Variants in SMIM41 observed in about 807,000 individuals in gnomAD.
SMIM41 encodes small integral membrane protein 41.
chr12:52,090,029 A>C (rs1408660496), intron 2 of SMIM41, among the ~76,000 whole-genome samples: 1 of 152,026 alleles, frequency 6.6e-6, no homozygotes, highest in Non-Finnish European at 1.5e-5. Flanking sequence ...TTTAAATGGA[A>C]TCATCAGGAA....
At chr12:52,091,219 A>G (rs983249656) in intron 2 of SMIM41, among the ~76,000 whole-genome samples, 1 of 151,988 alleles carries the variant, frequency 6.6e-6, no homozygotes, top group African/African-American at 2.4e-5. Flanking sequence ...TTTTTGCTCC[A>G]TGGTCCCCTC....
Position 52,096,799 on chromosome 12 carries a change from C to T in SMIM41, c.*196-10580C>T, listed in dbSNP as rs148771098. The stretch of plus-strand genomic sequence containing the variant: ...AATTAATAATTGATATTATTAATTG[C>T]GATACGTAATATTGCGACATTCCTC... On this transcript the variant is annotated intron_variant, in intron 2 of 2. Coordinates refer to ENST00000546390, the MANE Select transcript of SMIM41 (RefSeq NM_001369216.1). Among the ~76,000 whole-genome samples the T allele has an allele frequency of 7.3e-3, 1,104 of 151,612 alleles. 11 individuals are homozygous for T. The highest frequency in any genetic ancestry group is 0.026 in the African/African-American group (1,059 of 41,276).
intron 2 of SMIM41, chr12:52,087,463 TCCA>T (rs1368673637): frequency 2.0e-5 from 3 of 152,786 alleles, no homozygotes; most frequent in African/African-American, 4.8e-5. Flanking sequence ...CAGCCTGGCC[TCCA>T]CCCGGCTAAG....
At chr12:52,086,552 G>A (rs1288989735) in intron 2 of SMIM41, among the ~76,000 whole-genome samples, 2 of 152,294 alleles carry the variant, frequency 1.3e-5, no homozygotes, top group East Asian at 1.9e-4. Context: ...CTTCCCAGCC[G>A]CAGCTGACTT....
intron 2 of SMIM41, chr12:52,104,444 C>G (rs1250592974): frequency 5.7e-6 from 1 of 174,300 alleles, no homozygotes; most frequent in Non-Finnish European, 1.2e-5. Context: ...AGGATGGAGT[C>G]TGAGCCTCCA....
intron 2 of SMIM41, among the ~76,000 whole-genome samples, chr12:52,101,033 A>C (rs1237020535): frequency 1.3e-5 from 2 of 151,856 alleles, no homozygotes; most frequent in Non-Finnish European, 2.9e-5. Flanking sequence ...CCACTGCAGA[A>C]AAAAATGGAT....
At chr12:52,080,205 G>A (rs1236584016) in intron 1 of SMIM41, 24 bp downstream of exon 1, 1 of 303,858 alleles carries the variant, frequency 3.3e-6, no homozygotes, top group East Asian at 5.4e-5. Context: ...TAGCAGGAGT[G>A]TGGGCGCGGG....
chr12:52,099,448 C>T (rs989567748), intron 2 of SMIM41, among the ~76,000 whole-genome samples: 1 of 151,542 alleles, frequency 6.6e-6, no homozygotes, highest in Non-Finnish European at 1.5e-5. Context: ...GGTGTAAAAC[C>T]CCCTGTGATA....
intron 2 of SMIM41, among the ~76,000 whole-genome samples, chr12:52,097,617 C>T (rs1042430202): frequency 1.3e-5 from 2 of 152,100 alleles, no homozygotes; most frequent in Non-Finnish European, 2.9e-5. Flanking sequence ...GTGTACACCT[C>T]CTGCGATATT....
chr12:52,106,806 G>A (rs1430337935), intron 2 of SMIM41, among the ~76,000 whole-genome samples: 2 of 152,208 alleles, frequency 1.3e-5, no homozygotes, highest in African/African-American at 4.8e-5. Flanking sequence ...CTCGCATGTG[G>A]AACTATTTTC....
At chr12:52,094,336 C>G (rs560907939) in intron 2 of SMIM41, among the ~76,000 whole-genome samples, 1 of 151,808 alleles carries the variant, frequency 6.6e-6, no homozygotes, top group Admixed American at 6.6e-5. Flanking sequence ...GCTGGGACTA[C>G]AGGCGTGTGC....
intron 2 of SMIM41, among the ~76,000 whole-genome samples, chr12:52,090,898 C>T (rs1448031876): frequency 6.6e-6 from 1 of 152,236 alleles, no homozygotes; most frequent in Non-Finnish European, 1.5e-5. Flanking sequence ...CCTCTCAATA[C>T]ACACTGAACC....
intron 2 of SMIM41, among the ~76,000 whole-genome samples, chr12:52,098,788 C>A (rs1290883576): frequency 1.3e-5 from 2 of 150,816 alleles, no homozygotes; most frequent in Non-Finnish European, 3.0e-5. Context: ...ATCCTCTCTT[C>A]CCTTGGATAT....
chr12:52,107,307 T>C, intron 2 of SMIM41, 72 bp from the exon 3 acceptor site: 1 of 450,774 alleles, frequency 2.2e-6, no homozygotes, highest in Middle Eastern at 3.3e-4. Flanking sequence ...CAACGCTCTT[T>C]TCTAGGCAAA....
At chr12:52,094,988 T>A (rs1940065481) in intron 2 of SMIM41, 1 of 143,348 alleles carries the variant, frequency 7.0e-6, no homozygotes, top group Admixed American at 7.0e-5. Flanking sequence ...CTCTGTCGCC[T>A]AGGCTGGAGT....
chr12:52,097,795 T>C (rs1940126516), intron 2 of SMIM41, among the ~76,000 whole-genome samples: 1 of 152,076 alleles, frequency 6.6e-6, no homozygotes, highest in Admixed American at 6.5e-5. Context: ...TCATTCTCTC[T>C]ACCCCTGGAT....
chr12:52,098,739 G>GC (rs111875010), intron 2 of SMIM41, among the ~76,000 whole-genome samples: 6 of 150,618 alleles, frequency 4.0e-5, no homozygotes, highest in Non-Finnish European at 8.9e-5. Flanking sequence ...TATCACGGGG[G>GC]GGGGGGTGTA....
chr12:52,086,802 C>T (rs909631662), intron 2 of SMIM41, among the ~76,000 whole-genome samples: 4 of 152,348 alleles, frequency 2.6e-5, no homozygotes, highest in Non-Finnish European at 4.4e-5. Context: ...CAGCCTATTC[C>T]GGCTGCCCCA....
Position 52,107,183 on chromosome 12 carries a change from G to A in SMIM41, c.*196-196G>A, listed in dbSNP as rs116294315. 2.0e-3 allele frequency: 710 copies of A among 357,626 alleles called. 8 individuals are homozygous for A. The highest frequency in any genetic ancestry group is 0.014 in the African/African-American group (674 of 46,844). The allele number at this position is 357,626 out of a possible 1,614,324, so 22.2% of individuals were successfully genotyped here. A position where few individuals can be genotyped will look rare whatever the true frequency, so the allele number is the denominator to read the frequency against. Reference sequence around the variant, plus strand: ...TAAGACAATTCATTTTGTCAGAACTGCAAAATATTCCTGAGTGTGGATTGC... The same window carrying A: ...TAAGACAATTCATTTTGTCAGAACTACAAAATATTCCTGAGTGTGGATTGC... On this transcript the variant is annotated intron_variant, in intron 2 of 2. Transcript: ENST00000546390.
Sources: gnomAD v4.1 joint callset for allele counts (sites outside exome capture counted in the v4.1 genomes callset) on GRCh38, gnomAD v4.1.1 for gene constraint, MANE v1.5 for transcripts, NCBI Gene and HGNC (gene_info 2026-07-23, HGNC 2026-07-21) for gene names.